Variants in BCR observed in about 807,000 individuals in gnomAD.
BCR encodes the protein breakpoint cluster region protein.
Under a neutral mutation model 138.6 loss-of-function variants are expected in BCR, and 58 were observed. The ratio of observed to expected loss-of-function variants is 0.42; its 90% CI spans 0.34 to 0.52. The LOEUF (loss-of-function observed/expected upper bound fraction) is 0.52. BCR is among the 20% of genes least tolerant of loss of function. BCR has a pLI of 0.06. For missense variants in BCR, 1,599 were observed against 1,727.2 expected, an observed-to-expected ratio of 0.93 and a Z score of 1.32; for synonymous variants, 786 against 730.1, an observed-to-expected ratio of 1.08 and a Z score of -1.23.
chr22:23,298,747 C>T (rs921446939), intron 16 of BCR, among the ~76,000 whole-genome samples: 1 of 152,156 alleles, frequency 6.6e-6, no homozygotes, highest in South Asian at 2.1e-4. Context: ...AGGCATGTGC[C>T]ACCACGCCTG....
intron 16 of BCR, among the ~76,000 whole-genome samples, chr22:23,295,515 A>AAAGCACAGGGGTCCCAGAGGCTGCCTGC (rs1346540399): frequency 2.6e-5 from 4 of 152,014 alleles, no homozygotes; most frequent in Admixed American, 2.0e-4. Flanking sequence ...TCTTCTTAGA[A>AAAGCACAGGGGTCCCAGAGGCTGCCTGC]AAGCACAGGG....
intron 8 of BCR, among the ~76,000 whole-genome samples, chr22:23,280,706 C>T (rs1860232903): frequency 6.6e-6 from 1 of 152,212 alleles, no homozygotes; most frequent in African/African-American, 2.4e-5. Context: ...GTCCTGGCCA[C>T]CCTTGCTTTC....
At chr22:23,275,149 G>A (rs546893889) in intron 8 of BCR, among the ~76,000 whole-genome samples, 3 of 152,188 alleles carry the variant, frequency 2.0e-5, no homozygotes, top group African/African-American at 4.8e-5. Context: ...AGTCTAATCC[G>A]AGTTGACCTT....
chr22:23,310,625 C>T (rs1419970982), intron 18 of BCR, among the ~76,000 whole-genome samples, 192 bp downstream of exon 18: 1 of 152,142 alleles, frequency 6.6e-6, no homozygotes, highest in East Asian at 1.9e-4. Context: ...GTCCTTGCCA[C>T]CTGGCTTGGA....
In BCR at chr22:23,315,587, C is replaced by T. The variant is rs554037018; in HGVS notation, c.*65C>T. 242 of 1,492,972 alleles carry T rather than the reference C, an allele frequency of 1.6e-4. No homozygotes were observed. Among genetic ancestry groups the T allele is most frequent in the Admixed American group, 1.4e-3 (85 of 58,852 alleles). The allele number at this position is 1,492,972 out of a possible 1,614,324, so 92.5% of individuals were successfully genotyped here. A position where few individuals can be genotyped will look rare whatever the true frequency, so the allele number is the denominator to read the frequency against. The stretch of plus-strand genomic sequence containing the variant: ...GAAACCTCTGGCTAATCGGGCCATC[C>T]GTAGAGCGGGAACCTTCCTGAGGTG... On this transcript the variant is annotated 3_prime_UTR_variant, in exon 23 of 23. Transcript: ENST00000305877.
In BCR at chr22:23,255,673, G is replaced by C. The variant is rs543207657; in HGVS notation, c.1461+1693G>C. On this transcript the variant is annotated intron_variant, in intron 2 of 22. Coordinates refer to ENST00000305877, the MANE Select transcript of BCR (RefSeq NM_004327.4). Reference sequence around the variant, plus strand: ...ACTCAGTGCCCCAGTCCCTGTCCGGGGGTGGGGGCCTCCCACCCACACCTG... The same window carrying C: ...ACTCAGTGCCCCAGTCCCTGTCCGGCGGTGGGGGCCTCCCACCCACACCTG... Among the ~76,000 whole-genome samples, 10 of 152,294 alleles carry C rather than the reference G, an allele frequency of 6.6e-5. No homozygotes were observed. In the South Asian group the frequency reaches 1.5e-3, roughly 22 times the overall value.
At chr22:23,254,577 T>A (rs371587332) in intron 2 of BCR, 4 of 510,978 alleles carry the variant, frequency 7.8e-6, no homozygotes, top group South Asian at 5.7e-5. Context: ...ACGCCCCCCC[T>A]CACATGAGAA....
At position 23,312,898 on chromosome 22, in the gene BCR, G is replaced by A. The variant is rs2146330465; in HGVS notation, c.3334G>A (p.Val1112Met). The A allele has an allele frequency of 3.1e-6, 5 of 1,596,164 alleles. No homozygotes were observed. Among genetic ancestry groups the A allele is most frequent in the South Asian group, 1.1e-5 (1 of 90,942 alleles). The change falls in exon 20 of 23, where the codon GTG becomes ATG. Residue 1112 changes from valine to methionine, a missense_variant. Around this residue, in one of 4 missense-constraint regions of BCR, gnomAD observed 177 missense variants for 226.4 expected, o/e 0.78. Transcript: ENST00000305877. ...CGTGCTCTTTCCAGATAACAAGGAC[G>A]TGTCGGTGATGATGAGCGAGATGGA... ...KAAFDVNNKD[V>M]SVMMSEMDVN... is the part of the protein sequence containing the mutation.
chr22:23,249,535 T>C (rs1214766117), intron 1 of BCR, among the ~76,000 whole-genome samples: 1 of 151,928 alleles, frequency 6.6e-6, no homozygotes, highest in Non-Finnish European at 1.5e-5. Context: ...TGCAGTGAGC[T>C]GTGATCACTC....
chr22:23,301,293 G>A lies in BCR; in HGVS notation c.3012+6138G>A, dbSNP rs113830074. 3.2e-4 allele frequency among the ~76,000 whole-genome samples: 48 copies of A among 152,350 alleles called. 1 individual carries two copies. The highest frequency in any genetic ancestry group is 1.1e-3 in the African/African-American group (44 of 41,584). On this transcript the variant is annotated intron_variant, in intron 16 of 22. Coordinates refer to ENST00000305877, the MANE Select transcript of BCR (RefSeq NM_004327.4). ...TGCACTCCAGCCTGGGGGACAGAGCGAGACTATCTCAAAAAAGACAGAAAA... is the reference window on the plus strand; with the variant it reads ...TGCACTCCAGCCTGGGGGACAGAGCAAGACTATCTCAAAAAAGACAGAAAA...
rs1408782317 is a variant in BCR, at chr22:23,180,974, T to A, written c.14T>A (p.Val5Glu). MVDP[V>E]GFAEAWKAQF... ...GCCGGCCGCGCCATGGTGGACCCGG[T>A]GGGCTTCGCGGAGGCGTGGAAGGCG... Residue 5 changes from valine (V) to glutamate (E), a missense_variant, in exon 1 of 23, where the codon GTG becomes GAG. Physicochemically the swap from Val to Glu is moderately radical, Grantham distance 121. Around this residue, in one of 4 missense-constraint regions of BCR, gnomAD observed 806 missense variants for 635.0 expected, o/e 1.27. Coordinates refer to ENST00000305877, the MANE Select transcript of BCR (RefSeq NM_004327.4). The A allele has an allele frequency of 1.4e-6, 2 of 1,400,288 alleles. No individual in the cohort carries two copies. The highest frequency in any genetic ancestry group is 5.9e-5 in the East Asian group (2 of 33,860). 86.7% of individuals were successfully genotyped at this position (1,400,288 alleles called of 1,614,324 possible).
At chr22:23,247,705 C>T (rs1051449280) in intron 1 of BCR, among the ~76,000 whole-genome samples, 4 of 152,154 alleles carry the variant, frequency 2.6e-5, no homozygotes, top group Admixed American at 6.6e-5. Context: ...ATCACATGGC[C>T]GATGGTCTGA....
Position 23,267,686 on chromosome 22 carries a change from G to A in BCR, c.1753-722G>A, listed in dbSNP as rs148001338. ...TTTTTCCCTCGCTGCCCATAAAGGT[G>A]TTGTGGGGCCCAGAGATGGCAGTGT... On this transcript the variant is annotated intron_variant, in intron 4 of 22. Coordinates refer to ENST00000305877, the MANE Select transcript of BCR (RefSeq NM_004327.4). 8.1e-4 allele frequency among the ~76,000 whole-genome samples: 124 copies of A among 152,326 alleles called. 2 individuals carry two copies. The highest frequency in any genetic ancestry group is 4.8e-3 in the Admixed American group (74 of 15,304).
chr22:23,275,281 C>CA (rs1407548807), intron 8 of BCR, among the ~76,000 whole-genome samples: 1 of 152,262 alleles, frequency 6.6e-6, no homozygotes, highest in African/African-American at 2.4e-5. Context: ...TGGGCAGACT[C>CA]AGAGTCCCAT....
intron 1 of BCR, among the ~76,000 whole-genome samples, chr22:23,220,653 A>T (rs2072814177): frequency 6.6e-6 from 1 of 151,730 alleles, no homozygotes. Context: ...TTTCATTCAC[A>T]CTCCTTGCAG....
intron 16 of BCR, among the ~76,000 whole-genome samples, chr22:23,297,436 A>C (rs1016828670): frequency 1.3e-5 from 2 of 151,672 alleles, no homozygotes; most frequent in Non-Finnish European, 2.9e-5. Context: ...CTCATTTGAC[A>C]CTCAGGAGAT....
chr22:23,276,008 C>T (rs1286725208), intron 8 of BCR, among the ~76,000 whole-genome samples: 1 of 152,164 alleles, frequency 6.6e-6, no homozygotes, highest in African/African-American at 2.4e-5. Context: ...AAGTTGACAC[C>T]TAGGCCCTCG....
chr22:23,233,338 C>T (rs193052827), intron 1 of BCR, among the ~76,000 whole-genome samples: 3 of 152,324 alleles, frequency 2.0e-5, no homozygotes, highest in Admixed American at 6.5e-5. Flanking sequence ...CTTCTCTGCC[C>T]GGTGGTGACA....
rs1555959911 is a variant in BCR, at chr22:23,187,499, C to CT, written c.1279+5274dup. The stretch of plus-strand genomic sequence containing the variant: ...TCTCCTTCTCTTTCTCTCTCTCTCT[C>CT]TTTTTTTTTTTTTTAATAGAGATTG... On this transcript the variant is annotated intron_variant, in intron 1 of 22. Transcript: ENST00000305877. Among the ~76,000 whole-genome samples the CT allele has an allele frequency of 9.3e-4, 131 of 140,670 alleles. 1 individual carries two copies. The highest frequency in any genetic ancestry group is 4.3e-3 in the South Asian group (19 of 4,370). 92.3% of individuals were successfully genotyped at this position (140,670 alleles called of 152,430 possible).
Sources: gnomAD v4.1 joint callset for allele counts (sites outside exome capture counted in the v4.1 genomes callset) on GRCh38, gnomAD v4.1.1 for gene constraint, gnomAD v4.1.1 regional missense constraint, MANE v1.5 for transcripts, NCBI Gene and HGNC (gene_info 2026-07-23, HGNC 2026-07-21) for gene names.